The following ZFR variants were observed in gnomAD, a reference collection of about 807,000 sequenced individuals.
ZFR encodes zinc finger RNA-binding protein.
A neutral mutation model predicts 130.7 loss-of-function variants in ZFR; 19 were observed. The ratio of observed to expected loss-of-function variants is 0.15; its 90% CI spans 0.10 to 0.21. The LOEUF (loss-of-function observed/expected upper bound fraction) is 0.21. ZFR is among the 10% of genes least tolerant of loss of function. The probability of loss-of-function intolerance (pLI) is 1.00; values close to 1 mark genes in which losing one functional copy is unlikely to be tolerated. For synonymous variants in ZFR, 466 were observed against 456.9 expected, an observed-to-expected ratio of 1.02 and a Z score of -0.25; for missense variants, 872 against 1,321.5, an observed-to-expected ratio of 0.66 and a Z score of 5.27.
chr5:32,398,696 C>T lies in ZFR; in HGVS notation c.1713+1311G>A, dbSNP rs527562816. 2.6e-5 allele frequency among the ~76,000 whole-genome samples: 4 copies of T among 152,122 alleles called. No homozygotes were observed. The East Asian group carries it at 5.8e-4, about 22-fold the overall frequency. On this transcript the variant is annotated intron_variant, in intron 9 of 19. Coordinates refer to ENST00000265069, the MANE Select transcript of ZFR (RefSeq NM_016107.5). Reference sequence around the variant, plus strand: ...ATTTTTCTTTTTCTTGTTTTCTTTTCTTTTTTGTGAGACAGAGTCTCACTC... The same window carrying T: ...ATTTTTCTTTTTCTTGTTTTCTTTTTTTTTTTGTGAGACAGAGTCTCACTC...
rs769607408 is a variant in ZFR at position 32,444,660 on chromosome 5, G to A, written c.-2C>T. The A allele has an allele frequency of 2.6e-6, 4 of 1,511,066 alleles. No individual in the cohort carries two copies. The highest frequency in any genetic ancestry group is 1.3e-5 in the South Asian group (1 of 79,536). 93.6% of individuals were successfully genotyped at this position (1,511,066 alleles called of 1,614,324 possible). A position where few individuals can be genotyped will look rare whatever the true frequency, so the allele number is the denominator to read the frequency against. On this transcript the variant is annotated 5_prime_UTR_variant, in exon 1 of 20. Coordinates refer to ENST00000265069, the MANE Select transcript of ZFR (RefSeq NM_016107.5). ...AACTACAGGGCATATGGGAATCATG[G>A]GCTCGGGCTGCTGCTGCTGAACTCT...
chr5:32,391,070 T>C (rs1396652963), intron 11 of ZFR, among the ~76,000 whole-genome samples: 10 of 152,200 alleles, frequency 6.6e-5, no homozygotes, highest in East Asian at 1.9e-4. Flanking sequence ...TATACAAATA[T>C]AGAAAAGAAC....
chr5:32,428,591 A>G (rs1453191174), intron 2 of ZFR, among the ~76,000 whole-genome samples: 1 of 152,220 alleles, frequency 6.6e-6, no homozygotes, highest in Non-Finnish European at 1.5e-5. Context: ...AAACAATTAT[A>G]GTACGTTTAG....
At chr5:32,404,173 T>C in intron 6 of ZFR, 76 bp from the exon 7 acceptor site, 3 of 1,302,756 alleles carry the variant, frequency 2.3e-6, no homozygotes. Context: ...TCTCAAGAAA[T>C]CTCTAATACT....
chr5:32,379,171 G>A lies in ZFR; in HGVS notation c.2779C>T (p.Arg927Cys), dbSNP rs1380554176. Residue 927 changes from arginine (R) to cysteine (C), a missense_variant, in exon 17 of 20, where the codon CGC (arginine) becomes TGC (cysteine). Around this residue, in one of 7 missense-constraint regions of ZFR, gnomAD observed 158 missense variants for 264.0 expected, o/e 0.60. Transcript: ENST00000265069. Reference sequence around the variant, plus strand: ...CGCTGACAGAGGTCTCGAAGAATGCGTATGATAATCACACAGGACTGCAGA... The same window carrying A: ...CGCTGACAGAGGTCTCGAAGAATGCATATGATAATCACACAGGACTGCAGA... ...NGLQSCVIIIRILRDLCQRVP... is the reference protein window; with the variant it reads ...NGLQSCVIIICILRDLCQRVP... 2 of 1,613,844 alleles carry A rather than the reference G, an allele frequency of 1.2e-6. No homozygotes were observed. Among genetic ancestry groups the A allele is most frequent in the Non-Finnish European group, 1.7e-6 (2 of 1,179,948 alleles).
chr5:32,403,489 G>T, intron 7 of ZFR, 92 bp from the exon 8 acceptor site: 1 of 1,446,918 alleles, frequency 6.9e-7, no homozygotes, highest in Non-Finnish European at 9.3e-7. Context: ...TCTAAACCAT[G>T]CTTTTCTTTG....
intron 2 of ZFR, among the ~76,000 whole-genome samples, chr5:32,434,103 C>T (rs1754280243): frequency 6.6e-6 from 1 of 152,182 alleles, no homozygotes; most frequent in Non-Finnish European, 1.5e-5. Flanking sequence ...AGAATTCTGC[C>T]AAGTATCTGC....
At chr5:32,387,473 A>T (rs899895668) in intron 14 of ZFR, 76 bp downstream of exon 14, 6 of 1,551,578 alleles carry the variant, frequency 3.9e-6, no homozygotes, top group Non-Finnish European at 8.7e-7. Context: ...TTAGGTTTAA[A>T]CCGAAGCACA....
rs1753085847 is a variant in ZFR, at chr5:32,388,476, T to C, written c.2341A>G (p.Lys781Glu). Reference sequence around the variant, plus strand: ...ATAACTTTCAAAACACACCTGTCTTTACCTCCCTCTTTCTTATCATCTCCC... The same window carrying C: ...ATAACTTTCAAAACACACCTGTCTTCACCTCCCTCTTTCTTATCATCTCCC... ...KEGDDKKEGG[K>E]DRALKGVLRV... The change falls in exon 13 of 20, where the codon AAA becomes GAA. Residue 781 changes from lysine (K) to glutamate (E), a missense_variant. Coordinates refer to ENST00000265069, the MANE Select transcript of ZFR (RefSeq NM_016107.5). The C allele has an allele frequency of 6.2e-7, 1 of 1,613,690 alleles. No individual in the cohort carries two copies. The highest frequency in any genetic ancestry group is 1.3e-5 in the African/African-American group (1 of 74,944).
chr5:32,412,857 C>A lies in ZFR; in HGVS notation c.784+2112G>T, dbSNP rs1191478171. 2.6e-5 allele frequency among the ~76,000 whole-genome samples: 4 copies of A among 152,016 alleles called. No individual in the cohort carries two copies. In the East Asian group the frequency reaches 5.8e-4, roughly 22 times the overall value. ...TAGGTGAATGGCATAAAAAATAGTT[C>A]TTGGAACTATTTTTTTCCACTTTTC... On this transcript the variant is annotated intron_variant, in intron 5 of 19. Coordinates refer to ENST00000265069, the MANE Select transcript of ZFR (RefSeq NM_016107.5).
At chr5:32,391,646 T>C (rs1444570455) in intron 11 of ZFR, among the ~76,000 whole-genome samples, 1 of 152,106 alleles carries the variant, frequency 6.6e-6, no homozygotes, top group Non-Finnish European at 1.5e-5. Context: ...CAGCAAATTC[T>C]GTTAACAATT....
intron 2 of ZFR, among the ~76,000 whole-genome samples, chr5:32,426,350 C>T (rs552668192): frequency 6.6e-6 from 1 of 150,940 alleles, no homozygotes; most frequent in South Asian, 2.1e-4. Flanking sequence ...GCGATCATCT[C>T]AATAGCATTT....
At chr5:32,368,500 T>C (rs1017081357) in intron 17 of ZFR, among the ~76,000 whole-genome samples, 1 of 152,194 alleles carries the variant, frequency 6.6e-6, no homozygotes, top group Non-Finnish European at 1.5e-5. Flanking sequence ...CCTCCCAAAG[T>C]GCTAAGATTA....
At chr5:32,396,386 ACCT>A (rs2111754625) in intron 10 of ZFR, among the ~76,000 whole-genome samples, 1 of 151,952 alleles carries the variant, frequency 6.6e-6, no homozygotes, top group East Asian at 1.9e-4. Context: ...TTTAATTTTC[ACCT>A]CCTCCGTGTT....
intron 4 of ZFR, among the ~76,000 whole-genome samples, chr5:32,415,435 CAACT>C (rs1231944934): frequency 6.6e-6 from 1 of 151,310 alleles, no homozygotes; most frequent in Non-Finnish European, 1.5e-5. Context: ...GCAAAACTTA[CAACT>C]AACTGAAATA....
At chr5:32,402,491 C>G (rs973172286) in intron 8 of ZFR, among the ~76,000 whole-genome samples, 3 of 151,698 alleles carry the variant, frequency 2.0e-5, no homozygotes, top group Non-Finnish European at 4.4e-5. Context: ...CAGGGCCATG[C>G]GTTGTGGTGC....
intron 6 of ZFR, among the ~76,000 whole-genome samples, chr5:32,405,904 C>A (rs558920452): frequency 2.4e-4 from 37 of 152,202 alleles, no homozygotes; most frequent in African/African-American, 8.7e-4. Context: ...AAATACCCCC[C>A]AAAATTCAGA....
intron 14 of ZFR, among the ~76,000 whole-genome samples, chr5:32,386,533 T>C (rs1241737884): frequency 2.6e-5 from 4 of 152,130 alleles, no homozygotes; most frequent in Non-Finnish European, 4.4e-5. Context: ...ATTCTATGAT[T>C]CTTCCAAGGC....
At chr5:32,374,925 A>G (rs773410892) in intron 17 of ZFR, among the ~76,000 whole-genome samples, 3 of 152,216 alleles carry the variant, frequency 2.0e-5, no homozygotes, top group Non-Finnish European at 4.4e-5. Context: ...TTTTGATGCT[A>G]CTAAAACTGC....
Sources: gnomAD v4.1 joint callset for allele counts (sites outside exome capture counted in the v4.1 genomes callset) on GRCh38, gnomAD v4.1.1 for gene constraint, gnomAD v4.1.1 regional missense constraint, MANE v1.5 for transcripts, NCBI Gene and HGNC (gene_info 2026-07-23, HGNC 2026-07-21) for gene names.